The following SSC5D variants were observed in gnomAD, a reference collection of about 807,000 sequenced individuals.
The protein encoded by SSC5D is soluble scavenger receptor cysteine-rich domain-containing protein SSC5D.
A neutral mutation model predicts 104.6 loss-of-function variants in SSC5D; 106 were observed. The ratio of observed to expected loss-of-function variants is 1.01; its 90% CI spans 0.87 to 1.19. The LOEUF is 1.19. Ranked by LOEUF, SSC5D falls within the 50% of genes most tolerant of loss-of-function variation. The pLI is 0.00. For missense variants in SSC5D, 1,993 were observed against 2,153.8 expected (o/e 0.93, Z 1.48); for synonymous variants, 860 against 883.5 (o/e 0.97, Z 0.47).
In SSC5D at chr19:55,489,461, G is replaced by A. The variant is rs1044893012; in HGVS notation, c.160G>A (p.Ala54Thr). 2.6e-5 allele frequency: 38 copies of A among 1,474,652 alleles called. No individual in the cohort carries two copies. The highest frequency in any genetic ancestry group is 2.9e-5 in the Non-Finnish European group (32 of 1,121,306). 91.3% of individuals were successfully genotyped at this position (1,474,652 alleles called of 1,614,324 possible). ...VCDDGWDLRD[A>T]AVACRQLGCG... ...TGATGACGGCTGGGACCTGCGCGAT[G>A]CCGCCGTGGCCTGCCGGCAGCTGGG... The change falls in exon 3 of 14, where the codon GCC becomes ACC. Residue 54 changes from alanine to threonine, a missense_variant. Physicochemically the swap from Ala to Thr is moderately conservative, Grantham distance 58. Transcript: ENST00000389623.
chr19:55,496,381 G>GT (rs1405542568), intron 8 of SSC5D, among the ~76,000 whole-genome samples: 1 of 152,192 alleles, frequency 6.6e-6, no homozygotes, highest in African/African-American at 2.4e-5. Context: ...AAAAGGCGTG[G>GT]TTAACACAGC....
At position 55,500,551 on chromosome 19, in the gene SSC5D, G is replaced by A; in HGVS notation, c.2364G>A (p.Trp788Ter). 1 of 1,551,728 alleles carries A rather than the reference G, an allele frequency of 6.4e-7. No homozygotes were observed. Among genetic ancestry groups the A allele is most frequent in the Non-Finnish European group, 8.7e-7 (1 of 1,146,982 alleles). ...GCTGTGCTGGCCGGCTGGAAGTGTG[G>A]CATGCCGGACGCTGGGGAACAGTGT... ...PNRCAGRLEV[W>*]HAGRWGTVCD... The change falls in exon 11 of 14, where the codon TGG (tryptophan) becomes TGA (stop). Residue 788 changes from tryptophan (W) to a stop codon, truncating the protein, a stop_gained. Coordinates refer to ENST00000389623, the MANE Select transcript of SSC5D (RefSeq NM_001144950.2). LOFTEE classifies it high-confidence loss of function. The surrounding 1 kb of genome is among the most constrained non-coding windows in gnomAD (Gnocchi z 4.6).
rs977370517 is a variant in SSC5D at position 55,501,137 on chromosome 19, C to A, written c.2721C>A (p.Leu907=). Residue 907 remains leucine, a synonymous_variant, in exon 12 of 14, where the codon CTC becomes CTA. Coordinates refer to ENST00000389623, the MANE Select transcript of SSC5D (RefSeq NM_001144950.2). ...TTTAGVPGHT[L]PWRTTRRPGS... The stretch of plus-strand genomic sequence containing the variant: ...CAGCGGGGGTACCTGGACACACTCT[C>A]CCCTGGAGGACCACCCGGCGCCCGG... The A allele has an allele frequency of 7.1e-6, 11 of 1,550,582 alleles. No individual in the cohort carries two copies. The highest frequency in any genetic ancestry group is 1.2e-5 in the South Asian group (1 of 83,944).
intron 12 of SSC5D, chr19:55,504,289 G>C: frequency 6.8e-7 from 1 of 1,461,350 alleles, no homozygotes. Flanking sequence ...TAGGGAGGCA[G>C]CCAATGAGCA....
chr19:55,504,330 G>A (rs1987592402), intron 12 of SSC5D: 11 of 1,407,610 alleles, frequency 7.8e-6, no homozygotes, highest in Non-Finnish European at 1.0e-5. Flanking sequence ...AACTGCGCCG[G>A]TGAAATGAAA....
chr19:55,517,198 T>G (rs974646998), intron 13 of SSC5D, 26 bp from the exon 14 acceptor site: 19 of 1,524,710 alleles, frequency 1.2e-5, no homozygotes, highest in Non-Finnish European at 1.7e-5. Flanking sequence ...CCTCAGACCG[T>G]CCGTCTGTCT....
At position 55,519,001 on chromosome 19, in the gene SSC5D, C is replaced by T; in HGVS notation, c.*3C>T. ...GACCCCTGAGGGGAGACGTGTGACC[C>T]TCTCCAGGATTTGAGGGGCTTAAGA... On this transcript the variant is annotated 3_prime_UTR_variant, in exon 14 of 14. Coordinates refer to ENST00000389623, the MANE Select transcript of SSC5D (RefSeq NM_001144950.2). 6.5e-7 allele frequency: 1 copy of T among 1,550,204 alleles called. No individual in the cohort carries two copies. The highest frequency in any genetic ancestry group is 8.7e-7 in the Non-Finnish European group (1 of 1,146,848).
intron 12 of SSC5D, among the ~76,000 whole-genome samples, chr19:55,508,637 T>C (rs1016567724): frequency 2.9e-4 from 44 of 150,942 alleles, no homozygotes; most frequent in African/African-American, 1.0e-3. Flanking sequence ...CCAGGGCGCA[T>C]GCAGCAGGGA....
rs4801308 is a variant in SSC5D at position 55,493,888 on chromosome 19, G to A, written c.1189G>A (p.Glu397Lys). 8.7e-5 allele frequency: 135 copies of A among 1,547,164 alleles called. No homozygotes were observed. In the Admixed American group the frequency reaches 2.5e-3, roughly 29 times the overall value. Reference protein sequence around the residue: ...PWGQHDCHHREDAGAVCDGMP... With the variant: ...PWGQHDCHHRKDAGAVCDGMP... ...GGGCCAGCATGACTGTCACCACCGC[G>A]AGGACGCCGGGGCCGTGTGTGACGG... is the stretch of plus-strand genomic sequence containing the variant. Residue 397 changes from glutamate (E) to lysine (K), a missense_variant, in exon 7 of 14, where the codon GAG becomes AAG. Transcript: ENST00000389623.
chr19:55,495,229 A>T (rs1458082597), intron 8 of SSC5D, among the ~76,000 whole-genome samples: 8 of 25,012 alleles, frequency 3.2e-4, no homozygotes, highest in Admixed American at 6.1e-4. Flanking sequence ...ATATATATAT[A>T]TATATTTTTT....
rs1242220844 is a variant in SSC5D, at chr19:55,518,303, AC to A, written c.4029del (p.Ser1344ProfsTer11). 2 of 1,507,474 alleles carry A rather than the reference AC, an allele frequency of 1.3e-6. No individual in the cohort carries two copies. The highest frequency in any genetic ancestry group is 2.8e-5 in the East Asian group (1 of 36,014). 93.4% of individuals were successfully genotyped at this position (1,507,474 alleles called of 1,614,324 possible). Reference sequence around the variant, plus strand: ...TGTCATCACTACTGTGTCCCTTCCAACCTCCTTGGGGACAGAACTCTCCTCT... The same window carrying A: ...TGTCATCACTACTGTGTCCCTTCCAACTCCTTGGGGACAGAACTCTCCTCT... ...TPVITTVSLP[T>X]SLGTELSSPT... is the part of the protein sequence containing the mutation. On this transcript the variant is annotated frameshift_variant, in exon 14 of 14. Transcript: ENST00000389623. LOFTEE classifies it low-confidence loss of function (END_TRUNC).
rs902914410 is a variant in SSC5D at position 55,505,823 on chromosome 19, G to C, written c.2785+4622G>C. Among the ~76,000 whole-genome samples, 3 of 151,752 alleles carry C rather than the reference G, an allele frequency of 2.0e-5. 1 individual carries two copies. The highest frequency in any genetic ancestry group is 7.3e-5 in the African/African-American group (3 of 41,026). On this transcript the variant is annotated intron_variant, in intron 12 of 13. Coordinates refer to ENST00000389623, the MANE Select transcript of SSC5D (RefSeq NM_001144950.2). ...ATGATCTCGGCTCACTGCAGCCTCT[G>C]CTGCCCAGGTTCAAGCAATTCTTAT...
chr19:55,493,994 G>GGT, intron 7 of SSC5D, 82 bp downstream of exon 7: 5 of 143,314 alleles, frequency 3.5e-5, no homozygotes, highest in South Asian at 2.4e-4. Flanking sequence ...GGGCGGGGGG[G>GGT]TCCCTACGCG....
intron 9 of SSC5D, among the ~76,000 whole-genome samples, chr19:55,498,857 G>A (rs1324969600): frequency 2.0e-5 from 3 of 152,240 alleles, no homozygotes; most frequent in South Asian, 2.1e-4. Context: ...TACACTCAGC[G>A]TTATCGTTTA....
intron 9 of SSC5D, 112 bp downstream of exon 9, chr19:55,498,309 G>C: frequency 8.5e-7 from 1 of 1,175,918 alleles, no homozygotes; most frequent in Non-Finnish European, 1.2e-6. Context: ...GCCCTGTGCT[G>C]GGTGTTTTTG....
intron 4 of SSC5D, 121 bp downstream of exon 4, chr19:55,490,116 G>A (rs1403150287): frequency 1.5e-6 from 1 of 647,782 alleles, no homozygotes; most frequent in African/African-American, 1.9e-5. Context: ...ACCGAGGGGA[G>A]AGGGACCTCT....
In SSC5D at chr19:55,497,951, C is replaced by T. The variant is rs1412198780; in HGVS notation, c.1459C>T (p.Arg487Cys). ...SGRLEVWHDQ[R>C]WGTVCDDSWD... The stretch of plus-strand genomic sequence containing the variant: ...TCGACTGGAGGTGTGGCATGACCAG[C>T]GCTGGGGGACCGTGTGTGACGATAG... Residue 487 changes from arginine (R) to cysteine (C), a missense_variant, in exon 9 of 14, where the codon CGC (arginine) becomes TGC (cysteine). Coordinates refer to ENST00000389623, the MANE Select transcript of SSC5D (RefSeq NM_001144950.2). 12 of 1,551,716 alleles carry T rather than the reference C, an allele frequency of 7.7e-6. No individual in the cohort carries two copies. Among genetic ancestry groups the T allele is most frequent in the African/African-American group, 1.4e-5 (1 of 73,044 alleles).
At chr19:55,510,960 G>T (rs184243359) in intron 12 of SSC5D, among the ~76,000 whole-genome samples, 9 of 151,938 alleles carry the variant, frequency 5.9e-5, no homozygotes, top group African/African-American at 2.2e-4. Flanking sequence ...TGTATTTTTC[G>T]TAGAGACAGG....
chr19:55,490,178 T>A (rs1285350921), intron 4 of SSC5D, 120 bp from the exon 5 acceptor site: 5 of 602,618 alleles, frequency 8.3e-6, no homozygotes. Context: ...CCGCCCCGTC[T>A]CCTTCATAGC....
Sources: gnomAD v4.1 joint callset for allele counts (sites outside exome capture counted in the v4.1 genomes callset) on GRCh38, gnomAD v4.1.1 for gene constraint, Gnocchi (gnomAD v3.1) non-coding constraint, MANE v1.5 for transcripts, NCBI Gene and HGNC (gene_info 2026-07-23, HGNC 2026-07-21) for gene names.